The following FSTL4 variants were observed in gnomAD, a reference collection of about 807,000 sequenced individuals.
FSTL4 encodes the protein follistatin like 4.
FSTL4 carries 28 observed loss-of-function variants against 78.2 expected under a neutral mutation model. That is an observed-to-expected ratio of 0.36 (90% CI 0.27 to 0.49). FSTL4 has a LOEUF of 0.49. Among genes scored for constraint, FSTL4 ranks in the 20% least tolerant of loss-of-function variants. FSTL4 has a pLI of 0.98. For synonymous variants in FSTL4, 422 were observed against 440.5 expected, an observed-to-expected ratio of 0.96 and a Z score of 0.53; for missense variants, 922 against 1,084.9, an observed-to-expected ratio of 0.85 and a Z score of 2.11.
chr5:133,280,596 G>C (rs1752987007), intron 6 of FSTL4, among the ~76,000 whole-genome samples: 6 of 152,162 alleles, frequency 3.9e-5, no homozygotes, highest in Admixed American at 3.3e-4. Flanking sequence ...CCACAACTGG[G>C]AGGCTCCCCT....
At chr5:133,450,145 A>T (rs760182129) in intron 3 of FSTL4, among the ~76,000 whole-genome samples, 2 of 152,220 alleles carry the variant, frequency 1.3e-5, no homozygotes, top group African/African-American at 2.4e-5. Flanking sequence ...CACAAATACT[A>T]GTCTTTCCTC....
the FSTL4 span, among the ~76,000 whole-genome samples, chr5:133,686,416 G>T: frequency 6.6e-6 from 1 of 152,248 alleles, no homozygotes; most frequent in African/African-American, 2.4e-5. Context: ...TGCTCACATT[G>T]TGTCTGGCAC....
intron 6 of FSTL4, among the ~76,000 whole-genome samples, chr5:133,282,237 G>C (rs561930463): frequency 2.2e-4 from 33 of 152,244 alleles, no homozygotes; most frequent in African/African-American, 7.2e-4. Flanking sequence ...CCAAGCAGAG[G>C]AAACAGTATG....
At chr5:133,731,452 G>T in the FSTL4 span, among the ~76,000 whole-genome samples, 1 of 152,142 alleles carries the variant, frequency 6.6e-6, no homozygotes. Flanking sequence ...ATACCCCAAG[G>T]CCACACAGCA....
the FSTL4 span, among the ~76,000 whole-genome samples, chr5:133,749,016 T>C: frequency 2.0e-5 from 3 of 152,120 alleles, no homozygotes; most frequent in Non-Finnish European, 4.4e-5. Context: ...ATAGGACAAT[T>C]GGTGCCTCGG....
the FSTL4 span, among the ~76,000 whole-genome samples, chr5:133,664,320 T>TAA: frequency 0.012 from 1,833 of 151,362 alleles, 38 homozygotes; most frequent in African/African-American, 0.042. Context: ...CTTTTTTTTT[T>TAA]AAAAAAAATT....
intron 2 of FSTL4, among the ~76,000 whole-genome samples, chr5:133,598,877 A>G (rs1264712813): frequency 6.6e-6 from 1 of 152,244 alleles, no homozygotes; most frequent in African/African-American, 2.4e-5. Context: ...CACGTACTGT[A>G]GGTGAGGCTT....
At chr5:133,711,437 G>A in the FSTL4 span, among the ~76,000 whole-genome samples, 9 of 152,370 alleles carry the variant, frequency 5.9e-5, no homozygotes, top group African/African-American at 1.7e-4. Flanking sequence ...CCAGGTGGCC[G>A]CTGAAAGGGC....
chr5:133,740,361 T>G, the FSTL4 span, among the ~76,000 whole-genome samples: 2 of 152,096 alleles, frequency 1.3e-5, no homozygotes, highest in African/African-American at 2.4e-5. Flanking sequence ...CATAAAGCAA[T>G]CCAGGCCCAT....
intron 6 of FSTL4, among the ~76,000 whole-genome samples, chr5:133,288,305 A>G (rs1753182623): frequency 6.6e-6 from 1 of 152,176 alleles, no homozygotes; most frequent in Non-Finnish European, 1.5e-5. Flanking sequence ...GGGGCCCTGT[A>G]GTAGAGGCCC....
At chr5:133,748,318 C>T in the FSTL4 span, among the ~76,000 whole-genome samples, 1 of 152,220 alleles carries the variant, frequency 6.6e-6, no homozygotes, top group African/African-American at 2.4e-5. Context: ...ATCTGTAATC[C>T]CAGCACTTTG....
intron 3 of FSTL4, among the ~76,000 whole-genome samples, chr5:133,547,674 G>C (rs555850656): frequency 6.6e-6 from 1 of 152,162 alleles, no homozygotes; most frequent in Non-Finnish European, 1.5e-5. Flanking sequence ...TATAAAGTGA[G>C]GCTGTCCTTG....
intron 6 of FSTL4, among the ~76,000 whole-genome samples, chr5:133,264,122 C>T (rs1014515480): frequency 1.3e-5 from 2 of 152,092 alleles, no homozygotes; most frequent in African/African-American, 4.8e-5. Flanking sequence ...GTGGACGCAG[C>T]CTGAGGATGC....
the FSTL4 span, among the ~76,000 whole-genome samples, chr5:133,757,858 G>A: frequency 3.9e-4 from 59 of 152,264 alleles, 1 homozygote; most frequent in African/African-American, 1.3e-3. Flanking sequence ...TAACTAATTT[G>A]TACCACCTAC....
intron 3 of FSTL4, among the ~76,000 whole-genome samples, chr5:133,529,460 T>C (rs1580768903): frequency 6.6e-6 from 1 of 152,184 alleles, no homozygotes; most frequent in Non-Finnish European, 1.5e-5. Flanking sequence ...CCAGGCCTGG[T>C]ACATTGCAGG....
chr5:133,203,656 T>C (rs767716455), intron 14 of FSTL4, among the ~76,000 whole-genome samples: 2 of 152,174 alleles, frequency 1.3e-5, no homozygotes, highest in Non-Finnish European at 2.9e-5. Flanking sequence ...TAAGAAAATA[T>C]CAGCGTTAGG....
chr5:133,754,831 A>T, the FSTL4 span, among the ~76,000 whole-genome samples: 14 of 152,266 alleles, frequency 9.2e-5, no homozygotes, highest in East Asian at 2.5e-3. Context: ...ACCGTTTAAG[A>T]CAGACATTCC....
chr5:133,480,419 G>C (rs539332483), intron 3 of FSTL4, among the ~76,000 whole-genome samples: 14 of 152,320 alleles, frequency 9.2e-5, no homozygotes, highest in African/African-American at 3.1e-4. Context: ...GTGCTTCATG[G>C]TCATCCTGCG....
intron 3 of FSTL4, among the ~76,000 whole-genome samples, chr5:133,499,415 C>CACAG (rs1758442098): frequency 1.4e-5 from 2 of 147,392 alleles, no homozygotes; most frequent in Non-Finnish European, 3.0e-5. Context: ...CACACACACA[C>CACAG]AGAGTGTGTG....
Sources: allele counts gnomAD v4.1 joint callset (sites outside exome capture counted in the v4.1 genomes callset), GRCh38; gene constraint gnomAD v4.1.1; transcripts MANE v1.5; gene names NCBI Gene and HGNC (gene_info 2026-07-23, HGNC 2026-07-21).